ERAP1: variants seen among roughly 807,000 people sequenced by gnomAD.
ERAP1 encodes the protein endoplasmic reticulum aminopeptidase 1, also known as adipocyte-derived leucine aminopeptidase.
Under a neutral mutation model 103.7 loss-of-function variants are expected in ERAP1, and 86 were observed. The ratio of observed to expected loss-of-function variants is 0.83; its 90% CI spans 0.70 to 0.99. The LOEUF (loss-of-function observed/expected upper bound fraction) is 0.99, where lower values mean the gene tolerates loss of function less well. ERAP1 is among the 50% of genes least tolerant of loss of function. The pLI is 0.00. For missense variants in ERAP1, 1,009 were observed against 1,128.4 expected, an observed-to-expected ratio of 0.89 and a Z score of 1.52; for synonymous variants, 398 against 402.4, an observed-to-expected ratio of 0.99 and a Z score of 0.13.
the ERAP1 span, among the ~76,000 whole-genome samples, chr5:96,868,361 C>T: frequency 2.0e-5 from 3 of 152,264 alleles, no homozygotes; most frequent in African/African-American, 4.8e-5. Flanking sequence ...TACAACCTAC[C>T]ACTCCTTCAG....
At chr5:96,781,346 C>T in intron 16 of ERAP1, 148 bp from the exon 17 acceptor site, 2 of 775,016 alleles carry the variant, frequency 2.6e-6, no homozygotes, top group South Asian at 3.4e-5. Flanking sequence ...CCTGATAAAC[C>T]CACTATAGCT....
the ERAP1 span, chr5:96,909,612 T>C: frequency 1.2e-6 from 2 of 1,614,180 alleles, no homozygotes; most frequent in Non-Finnish European, 1.7e-6. Context: ...AGCCAGTGAT[T>C]GACAGGCAAA....
chr5:96,789,194 G>A (rs1776437880), intron 10 of ERAP1, among the ~76,000 whole-genome samples: 2 of 152,134 alleles, frequency 1.3e-5, no homozygotes, highest in South Asian at 2.1e-4. Flanking sequence ...AATGATTTAA[G>A]AAGTAGTAAA....
the ERAP1 span, chr5:96,873,450 G>A: frequency 2.6e-5 from 12 of 453,818 alleles, no homozygotes; most frequent in South Asian, 1.2e-4. Context: ...ACAAATGCCT[G>A]TAGTTTGGGA....
At chr5:96,886,666 T>G in the ERAP1 span, 1 of 1,536,134 alleles carries the variant, frequency 6.5e-7, no homozygotes, top group East Asian at 2.3e-5. Context: ...TTAAGACAAT[T>G]GAACTTGAAG....
chr5:96,883,524 C>T, the ERAP1 span, among the ~76,000 whole-genome samples: 1 of 152,332 alleles, frequency 6.6e-6, no homozygotes, highest in Non-Finnish European at 1.5e-5. Context: ...TTCAAGTTGT[C>T]TGAGCCTCAA....
chr5:96,804,043 G>T, intron 1 of ERAP1, 100 bp from the exon 2 acceptor site: 1 of 1,341,776 alleles, frequency 7.5e-7, no homozygotes, highest in Non-Finnish European at 1.0e-6. Flanking sequence ...ACAGAAATAG[G>T]CATAAACTTC....
chr5:96,772,495 C>G (rs1400055294), downstream of ERAP1: 1 of 152,540 alleles, frequency 6.6e-6, no homozygotes, highest in Non-Finnish European at 1.5e-5. Context: ...AAAAAAAATT[C>G]TATTAATCCA....
chr5:96,771,819 G>A (rs1772484158), downstream of ERAP1: 5 of 598,240 alleles, frequency 8.4e-6, no homozygotes, highest in Non-Finnish European at 9.0e-6. Context: ...TTACAGTATT[G>A]GCATGAAATG....
the ERAP1 span, among the ~76,000 whole-genome samples, chr5:96,905,002 C>A: frequency 6.6e-6 from 1 of 151,850 alleles, no homozygotes; most frequent in Non-Finnish European, 1.5e-5. Context: ...CCTTTTTAAG[C>A]CTAAATTTTC....
At chr5:96,815,560 C>T in the ERAP1 span, among the ~76,000 whole-genome samples, 3 of 151,746 alleles carry the variant, frequency 2.0e-5, no homozygotes, top group South Asian at 6.2e-4. Flanking sequence ...TACAGGCATG[C>T]GCCACCACAT....
At chr5:96,817,389 A>G in the ERAP1 span, among the ~76,000 whole-genome samples, 3 of 152,248 alleles carry the variant, frequency 2.0e-5, no homozygotes, top group African/African-American at 7.2e-5. Context: ...AAAGCAATAA[A>G]TAATGCCAAC....
chr5:96,803,387 A>T lies in ERAP1; in HGVS notation c.524+16T>A, dbSNP rs749368387. ...GCAGCACTTGCAGTTTAAAAGAAAA[A>T]GAGAAAAAAAAATACCTCAGTTCCC... On this transcript the variant is annotated intron_variant, in intron 2 of 18. Transcript: ENST00000443439. 1.2e-6 allele frequency: 2 copies of T among 1,611,590 alleles called. No homozygotes were observed. The highest frequency in any genetic ancestry group is 3.4e-5 in the Admixed American group (2 of 59,608).
chr5:96,896,222 AAAGGGGAATACATAC>A, the ERAP1 span: 65 of 526,834 alleles, frequency 1.2e-4, no homozygotes, highest in Non-Finnish European at 1.9e-4. Flanking sequence ...CCCTTTGGCC[AAAGGGGAATACATAC>A]AAGAAAAGAA....
intron 1 of ERAP1, chr5:96,804,337 GC>G: frequency 3.2e-6 from 1 of 314,930 alleles, no homozygotes; most frequent in South Asian, 2.8e-5. Context: ...CATGAAAGAA[GC>G]AAAACCAGAA....
At chr5:96,881,183 G>A in the ERAP1 span, 1 of 322,990 alleles carries the variant, frequency 3.1e-6, no homozygotes, top group African/African-American at 2.2e-5. Context: ...ATCACTGGAG[G>A]ATTCTGCTCT....
intron 2 of ERAP1, among the ~76,000 whole-genome samples, chr5:96,802,729 T>C (rs146137922): frequency 6.6e-6 from 1 of 152,232 alleles, no homozygotes; most frequent in Non-Finnish European, 1.5e-5. Flanking sequence ...TATCTGTGCA[T>C]GTGACCTTAT....
the ERAP1 span, among the ~76,000 whole-genome samples, chr5:96,902,073 T>C: frequency 6.6e-6 from 1 of 152,224 alleles, no homozygotes; most frequent in Non-Finnish European, 1.5e-5. Context: ...ATATGGCTGC[T>C]CCTTTATAAT....
chr5:96,874,180 A>AAG, the ERAP1 span, among the ~76,000 whole-genome samples: 6,784 of 81,470 alleles, frequency 0.083, 306 homozygotes, highest in East Asian at 0.23. Context: ...GAAAGAAAGA[A>AAG]AGAGAGAGAG....
Sources: allele counts gnomAD v4.1 joint callset (sites outside exome capture counted in the v4.1 genomes callset), GRCh38; gene constraint gnomAD v4.1.1; transcripts MANE v1.5; gene names NCBI Gene and HGNC (gene_info 2026-07-23, HGNC 2026-07-21).